Variants in CNOT3 observed in about 807,000 individuals in gnomAD.
CNOT3 encodes the protein CCR4-NOT transcription complex subunit 3.
CNOT3 carries 2 observed loss-of-function variants against 89.4 expected under a neutral mutation model. The observed-to-expected ratio is 0.02, with a 90% CI of 0.01 to 0.07. The LOEUF is 0.07. CNOT3 is among the 10% of genes least tolerant of loss of function. The probability of loss-of-function intolerance (pLI) is 1.00; values close to 1 mark genes in which losing one functional copy is unlikely to be tolerated. For missense variants in CNOT3, 664 were observed against 1,010.2 expected, an observed-to-expected ratio of 0.66 and a Z score of 4.65; for synonymous variants, 486 against 402.0, an observed-to-expected ratio of 1.21 and a Z score of -2.50.
In CNOT3 at chr19:54,148,408, G is replaced by T; in HGVS notation, c.1155G>T (p.Thr385=). Residue 385 remains threonine (T), a synonymous_variant, in exon 11 of 18, where the codon ACG becomes ACT. Coordinates refer to ENST00000221232, the MANE Select transcript of CNOT3 (RefSeq NM_014516.4). This position sits in a 1 kb window ranked among gnomAD's most constrained non-coding sequence, Gnocchi z 6.3. The part of the protein sequence containing the change: ...VAPPAPSGPS[T]TQPRPPSVQP... ...CACCAGCTCCCAGTGGGCCCAGCAC[G>T]ACCCAGCCCCGGCCCCCCAGCGTCC... The T allele has an allele frequency of 6.4e-7, 1 of 1,562,572 alleles. No homozygotes were observed.
In CNOT3 at chr19:54,146,004, C is replaced by G; in HGVS notation, c.798C>G (p.Ser266=). 6.2e-7 allele frequency: 1 copy of G among 1,613,428 alleles called. No homozygotes were observed. The highest frequency in any genetic ancestry group is 1.3e-5 in the African/African-American group (1 of 75,032). The stretch of plus-strand genomic sequence containing the variant: ...GCAGCACGCCCACCTCAACCACCTC[C>G]AGCTCTCCCATCCCGCCCAGCCCAG... The part of the protein sequence containing the change: ...QSSSTPTSTT[S]SSPIPPSPAN... The change falls in exon 9 of 18, where the codon TCC becomes TCG. Residue 266 remains serine (S), a synonymous_variant. Transcript: ENST00000221232.
intron 9 of CNOT3, among the ~76,000 whole-genome samples, chr19:54,146,300 C>A (rs2074670490): frequency 6.6e-6 from 1 of 152,172 alleles, no homozygotes; most frequent in Non-Finnish European, 1.5e-5. Context: ...CCTGGGCTGC[C>A]TGAGGAGGCT....
At chr19:54,152,117 C>A in intron 13 of CNOT3, 109 bp from the exon 14 acceptor site, 1 of 1,148,804 alleles carries the variant, frequency 8.7e-7, no homozygotes, top group Non-Finnish European at 1.3e-6. Flanking sequence ...GGGTCGTTGG[C>A]CCTCCACGGC....
chr19:54,147,029 C>T (rs1352794277), intron 10 of CNOT3, among the ~76,000 whole-genome samples: 1 of 152,090 alleles, frequency 6.6e-6, no homozygotes, highest in East Asian at 1.9e-4. Context: ...GGCCAGGGGC[C>T]CAACTGTGAG....
intron 13 of CNOT3, among the ~76,000 whole-genome samples, chr19:54,151,524 C>T (rs2075106836): frequency 6.6e-6 from 1 of 152,122 alleles, no homozygotes; most frequent in Non-Finnish European, 1.5e-5. Flanking sequence ...GGCGATATAG[C>T]GAGACAGGAT....
Position 54,140,898 on chromosome 19 carries a change from C to T in CNOT3, c.-50-2031C>T, listed in dbSNP as rs587685545. Among the ~76,000 whole-genome samples the T allele has an allele frequency of 5.3e-5, 8 of 152,290 alleles. No individual in the cohort carries two copies. In the South Asian group the frequency reaches 1.2e-3, roughly 24 times the overall value. On this transcript the variant is annotated intron_variant, in intron 1 of 17. Transcript: ENST00000221232. Reference sequence around the variant, plus strand: ...TTTCCGTGTGGAGACACAGGGAGGGCGTCACCTGCCTAAGGTGTTGATTGC... The same window carrying T: ...TTTCCGTGTGGAGACACAGGGAGGGTGTCACCTGCCTAAGGTGTTGATTGC...
intron 17 of CNOT3, 78 bp from the exon 18 acceptor site, chr19:54,155,231 T>TCC: frequency 6.4e-7 from 1 of 1,568,992 alleles, no homozygotes; most frequent in Non-Finnish European, 8.6e-7. Flanking sequence ...CTAAGAATTG[T>TCC]CCCCTTTGTC....
intron 10 of CNOT3, among the ~76,000 whole-genome samples, chr19:54,147,216 G>T (rs758345418): frequency 3.9e-5 from 6 of 152,236 alleles, no homozygotes; most frequent in Non-Finnish European, 5.9e-5. Flanking sequence ...ACATCTCCCA[G>T]GACAGGAGCA....
At position 54,144,367 on chromosome 19, in the gene CNOT3, G is replaced by A. The variant is rs1312992848; in HGVS notation, c.483+35G>A. ...GGAGACCCGACACCTTTGGGATGGG[G>A]ATGGGCATGGGAATGGGCTGGCCAG... On this transcript the variant is annotated intron_variant, in intron 7 of 17. Transcript: ENST00000221232. This position sits in a 1 kb window ranked among gnomAD's most constrained non-coding sequence, Gnocchi z 4.8. 2.0e-6 allele frequency: 3 copies of A among 1,522,164 alleles called. No individual in the cohort carries two copies. The highest frequency in any genetic ancestry group is 2.7e-5 in the African/African-American group (2 of 73,028). 94.3% of individuals were successfully genotyped at this position (1,522,164 alleles called of 1,614,324 possible). A position where few individuals can be genotyped will look rare whatever the true frequency, so the allele number is the denominator to read the frequency against.
intron 13 of CNOT3, among the ~76,000 whole-genome samples, chr19:54,150,786 A>G (rs915285248): frequency 6.6e-6 from 1 of 151,624 alleles, no homozygotes; most frequent in African/African-American, 2.4e-5. Context: ...CAGAAGCATT[A>G]ATTTTTTTTT....
rs2074954548 is a variant in CNOT3, at chr19:54,149,767, C to T, written c.1605+9C>T. On this transcript the variant is annotated intron_variant, in intron 13 of 17. Transcript: ENST00000221232. ...CCGCCCCAGAAATCAAGGTGGGCTCCTCGGACATCCCCCGAGCCTCTGTGT... is the reference window on the plus strand; with the variant it reads ...CCGCCCCAGAAATCAAGGTGGGCTCTTCGGACATCCCCCGAGCCTCTGTGT... 1 of 1,594,018 alleles carries T rather than the reference C, an allele frequency of 6.3e-7. No individual in the cohort carries two copies. The highest frequency in any genetic ancestry group is 1.3e-5 in the African/African-American group (1 of 74,236).
Position 54,145,204 on chromosome 19 carries a change from T to C in CNOT3, c.484-394T>C, listed in dbSNP as rs1222246688. 2.0e-5 allele frequency among the ~76,000 whole-genome samples: 3 copies of C among 152,018 alleles called. No homozygotes were observed. The highest frequency in any genetic ancestry group is 4.4e-5 in the Non-Finnish European group (3 of 67,986). On this transcript the variant is annotated intron_variant, in intron 7 of 17. Coordinates refer to ENST00000221232, the MANE Select transcript of CNOT3 (RefSeq NM_014516.4). This position sits in a 1 kb window ranked among gnomAD's most constrained non-coding sequence, Gnocchi z 5.9. The stretch of plus-strand genomic sequence containing the variant: ...AAATGGGGGTTATCATTGTTACTGC[T>C]GGAGCAGGTCGGAGGGTATCTGTAT...
In CNOT3 at chr19:54,155,228, T is replaced by C. The variant is rs1254297589; in HGVS notation, c.2164-81T>C. On this transcript the variant is annotated intron_variant, in intron 17 of 17. Transcript: ENST00000221232. ...CCTGACACATCCACAGCCCTAAGAA[T>C]TGTCCCCTTTGTCTGTTGGTCCGGC... is the stretch of plus-strand genomic sequence containing the variant. The C allele has an allele frequency of 2.0e-5, 32 of 1,563,958 alleles. 1 individual carries two copies. Among genetic ancestry groups the C allele is most frequent in the Middle Eastern group, 3.3e-4 (2 of 6,012 alleles).
chr19:54,145,562 T>G lies in CNOT3; in HGVS notation c.484-36T>G. On this transcript the variant is annotated intron_variant, in intron 7 of 17. Transcript: ENST00000221232. This position sits in a 1 kb window ranked among gnomAD's most constrained non-coding sequence, Gnocchi z 5.9. Reference sequence around the variant, plus strand: ...GGCAGGAGGGGCCAAGCAGGTGCTCTGCAGCCCCTGAGCCTGGCCCTGGGC... The same window carrying G: ...GGCAGGAGGGGCCAAGCAGGTGCTCGGCAGCCCCTGAGCCTGGCCCTGGGC... 1 of 1,474,780 alleles carries G rather than the reference T, an allele frequency of 6.8e-7. No homozygotes were observed. Among genetic ancestry groups the G allele is most frequent in the Non-Finnish European group, 9.5e-7 (1 of 1,056,396 alleles). The allele number at this position is 1,474,780 out of a possible 1,614,324, so 91.4% of individuals were successfully genotyped here. A position where few individuals can be genotyped will look rare whatever the true frequency, so the allele number is the denominator to read the frequency against.
chr19:54,155,573 GGGGCCC>G lies in CNOT3; in HGVS notation c.*170_*175del. On this transcript the variant is annotated 3_prime_UTR_variant, in exon 18 of 18. Coordinates refer to ENST00000221232, the MANE Select transcript of CNOT3 (RefSeq NM_014516.4). ...AGGTTTTCCTCTCAGCCCCACCCTGGGGGCCCGGGGGCGAGGGCTGCCCCCTCCTCC... is the reference window on the plus strand; with the variant it reads ...AGGTTTTCCTCTCAGCCCCACCCTGGGGGGGCGAGGGCTGCCCCCTCCTCC... 1 of 982,948 alleles carries G rather than the reference GGGGCCC, an allele frequency of 1.0e-6. No individual in the cohort carries two copies. Among genetic ancestry groups the G allele is most frequent in the South Asian group, 1.7e-5 (1 of 59,474 alleles). The allele number at this position is 982,948 out of a possible 1,614,324, so 60.9% of individuals were successfully genotyped here.
rs1339749658 is a variant in CNOT3 at position 54,144,345 on chromosome 19, G to A, written c.483+13G>A. 1 of 1,599,688 alleles carries A rather than the reference G, an allele frequency of 6.3e-7. No individual in the cohort carries two copies. The highest frequency in any genetic ancestry group is 1.1e-5 in the South Asian group (1 of 90,698). On this transcript the variant is annotated intron_variant, in intron 7 of 17. Coordinates refer to ENST00000221232, the MANE Select transcript of CNOT3 (RefSeq NM_014516.4). This position sits in a 1 kb window ranked among gnomAD's most constrained non-coding sequence, Gnocchi z 4.8. Reference sequence around the variant, plus strand: ...GGGCGACAAGGATGTGAGTGAGGGAGACCCGACACCTTTGGGATGGGGATG... The same window carrying A: ...GGGCGACAAGGATGTGAGTGAGGGAAACCCGACACCTTTGGGATGGGGATG...
chr19:54,150,787 A>ATT (rs746150231), intron 13 of CNOT3, among the ~76,000 whole-genome samples: 4 of 145,258 alleles, frequency 2.8e-5, no homozygotes, highest in East Asian at 2.0e-4. Flanking sequence ...AGAAGCATTA[A>ATT]TTTTTTTTTT....
At chr19:54,146,372 C>G (rs1271685202) in intron 9 of CNOT3, among the ~76,000 whole-genome samples, 1 of 152,122 alleles carries the variant, frequency 6.6e-6, no homozygotes, top group Non-Finnish European at 1.5e-5. Flanking sequence ...AGCAGGTTCC[C>G]AGATCCTTAA....
At chr19:54,152,119 C>T in intron 13 of CNOT3, 107 bp from the exon 14 acceptor site, 2 of 1,213,884 alleles carry the variant, frequency 1.6e-6, no homozygotes. Flanking sequence ...GTCGTTGGCC[C>T]TCCACGGCCC....
Sources: allele counts gnomAD v4.1 joint callset (sites outside exome capture counted in the v4.1 genomes callset), GRCh38; gene constraint gnomAD v4.1.1; non-coding constraint Gnocchi (gnomAD v3.1); transcripts MANE v1.5; gene names NCBI Gene and HGNC (gene_info 2026-07-23, HGNC 2026-07-21).